AQP7B: variants seen among roughly 807,000 people sequenced by gnomAD.
The protein encoded by AQP7B is aquaporin 7B.
At chr2:94,601,187 A>G in the AQP7B span, among the ~76,000 whole-genome samples, 1 of 152,204 alleles carries the variant, frequency 6.6e-6, no homozygotes, top group Non-Finnish European at 1.5e-5. Context: ...AGGCTGTGTG[A>G]CCTTGGACAA....
the AQP7B span, among the ~76,000 whole-genome samples, chr2:94,595,739 G>A: frequency 6.6e-6 from 1 of 152,138 alleles, no homozygotes. Context: ...GATGGAATCG[G>A]GGAGACTCTG....
the AQP7B span, among the ~76,000 whole-genome samples, chr2:94,591,931 C>T: frequency 6.6e-6 from 1 of 152,182 alleles, no homozygotes; most frequent in Non-Finnish European, 1.5e-5. Context: ...ATAGTAATTG[C>T]TCAATTGATT....
the AQP7B span, among the ~76,000 whole-genome samples, chr2:94,590,186 A>T: frequency 3.7e-4 from 56 of 151,686 alleles, no homozygotes; most frequent in South Asian, 2.5e-3. Context: ...CTCAACAAAA[A>T]TTTTTTCTTT....
At chr2:94,594,521 A>C in the AQP7B span, among the ~76,000 whole-genome samples, 8 of 152,192 alleles carry the variant, frequency 5.3e-5, no homozygotes, top group African/African-American at 1.7e-4. Flanking sequence ...GTCTAGTCCC[A>C]ACTAGAAGGG....
chr2:94,590,515 T>A, the AQP7B span, among the ~76,000 whole-genome samples: 9 of 152,204 alleles, frequency 5.9e-5, no homozygotes, highest in East Asian at 1.5e-3. Flanking sequence ...TGAAGAAATG[T>A]TGGTTAGCAG....
chr2:94,597,700 G>T, the AQP7B span, among the ~76,000 whole-genome samples: 2 of 151,598 alleles, frequency 1.3e-5, no homozygotes, highest in African/African-American at 2.4e-5. Context: ...CACCTCCCGG[G>T]TTCAAGCGAT....
chr2:94,594,683 C>A, the AQP7B span: 1 of 1,158,694 alleles, frequency 8.6e-7, no homozygotes, highest in Non-Finnish European at 1.3e-6. Context: ...GTTGAAGAGC[C>A]GATGGGCAGC....
At chr2:94,593,607 T>A in the AQP7B span, among the ~76,000 whole-genome samples, 2 of 149,522 alleles carry the variant, frequency 1.3e-5, no homozygotes, top group South Asian at 2.2e-4. Context: ...TGCCTCAGCC[T>A]CCGAAGTAGC....
the AQP7B span, among the ~76,000 whole-genome samples, chr2:94,593,791 T>C: frequency 6.6e-6 from 1 of 151,974 alleles, no homozygotes; most frequent in Non-Finnish European, 1.5e-5. Context: ...CAGCCCCTCT[T>C]CTTCCTCTTT....
At chr2:94,588,086 A>G in the AQP7B span, among the ~76,000 whole-genome samples, 3 of 151,408 alleles carry the variant, frequency 2.0e-5, no homozygotes, top group Non-Finnish European at 2.9e-5. Context: ...GTGTGTGTGC[A>G]TGTGTGCATG....
the AQP7B span, among the ~76,000 whole-genome samples, chr2:94,595,521 G>C: frequency 6.6e-6 from 1 of 152,110 alleles, no homozygotes; most frequent in Non-Finnish European, 1.5e-5. Context: ...GAGGGCAATG[G>C]GTGATGTTGA....
chr2:94,590,549 G>A, the AQP7B span, among the ~76,000 whole-genome samples: 6 of 152,220 alleles, frequency 3.9e-5, no homozygotes, highest in East Asian at 9.7e-4. Context: ...CTCGTGGTTA[G>A]TTGGATAGTT....
chr2:94,602,951 C>A, the AQP7B span: 5 of 1,415,930 alleles, frequency 3.5e-6, no homozygotes, highest in Non-Finnish European at 4.8e-6. Context: ...TGCTGTCATA[C>A]ACACTAGCCA....
chr2:94,603,655 G>A, the AQP7B span: 19 of 1,311,206 alleles, frequency 1.4e-5, no homozygotes, highest in East Asian at 2.5e-5. Context: ...GGCCACTGCC[G>A]ATGTCCTGTG....
At chr2:94,603,939 C>T in the AQP7B span, 2 of 1,227,294 alleles carry the variant, frequency 1.6e-6, no homozygotes, top group Non-Finnish European at 2.3e-6. Flanking sequence ...GGTACTGCCC[C>T]TGCCCAGGCC....
the AQP7B span, among the ~76,000 whole-genome samples, chr2:94,599,065 G>A: frequency 6.6e-5 from 10 of 152,336 alleles, no homozygotes; most frequent in African/African-American, 2.2e-4. Context: ...GTCTCCCAAA[G>A]TGCTGGGATT....
chr2:94,604,187 C>A, the AQP7B span: 7 of 1,250,396 alleles, frequency 5.6e-6, no homozygotes, highest in Non-Finnish European at 7.7e-6. Context: ...CTGGGGTAGC[C>A]TGGGGATGAC....
chr2:94,588,966 C>A, the AQP7B span, among the ~76,000 whole-genome samples: 1 of 148,602 alleles, frequency 6.7e-6, no homozygotes, highest in Admixed American at 6.7e-5. Context: ...CACTGAGTTT[C>A]TTTTCTGTTT....
At chr2:94,589,687 G>T in the AQP7B span, among the ~76,000 whole-genome samples, 3 of 151,944 alleles carry the variant, frequency 2.0e-5, no homozygotes, top group African/African-American at 7.3e-5. Flanking sequence ...TCTAGCCTAC[G>T]TCTCTTTCCA....
Sources: allele counts gnomAD v4.1 joint callset (sites outside exome capture counted in the v4.1 genomes callset), GRCh38; gene constraint gnomAD v4.1.1; transcripts MANE v1.5; gene names NCBI Gene and HGNC (gene_info 2026-07-23, HGNC 2026-07-21).